Variants in SCAPER observed in about 807,000 individuals in gnomAD.
The protein encoded by SCAPER is S phase cyclin A-associated protein in the endoplasmic reticulum.
SCAPER carries 98 observed loss-of-function variants against 182.2 expected under a neutral mutation model. That is an observed-to-expected ratio of 0.54 (90% CI 0.46 to 0.64). The LOEUF is 0.64. SCAPER is among the 30% of genes least tolerant of loss of function. SCAPER has a pLI of 0.00. For synonymous variants in SCAPER, 605 were observed against 564.6 expected, an observed-to-expected ratio of 1.07 and a Z score of -1.01; for missense variants, 1,432 against 1,690.0, an observed-to-expected ratio of 0.85 and a Z score of 2.68.
intron 24 of SCAPER, among the ~76,000 whole-genome samples, chr15:76,501,345 TAAAAA>T (rs35025661): frequency 2.4e-5 from 3 of 126,980 alleles, no homozygotes; most frequent in Admixed American, 7.9e-5. Flanking sequence ...CAATTTCATG[TAAAAA>T]AAAAAAAAAA....
intron 24 of SCAPER, among the ~76,000 whole-genome samples, chr15:76,486,513 T>TA (rs35458506): frequency 0.022 from 3,306 of 149,756 alleles, 124 homozygotes; most frequent in African/African-American, 0.075. Flanking sequence ...CAATTTATAA[T>TA]AAAAAAAAAA....
At chr15:76,539,607 T>C (rs2044546048) in intron 23 of SCAPER, among the ~76,000 whole-genome samples, 1 of 147,562 alleles carries the variant, frequency 6.8e-6, no homozygotes, top group Admixed American at 7.0e-5. Context: ...TGCTGTGGCA[T>C]GATCTTGGCT....
chr15:76,490,940 G>T (rs777477492), intron 24 of SCAPER, among the ~76,000 whole-genome samples: 1 of 152,066 alleles, frequency 6.6e-6, no homozygotes, highest in Non-Finnish European at 1.5e-5. Context: ...AAGATCAGCT[G>T]ACTCCATCTG....
At chr15:76,476,390 T>C (rs571056467) in intron 24 of SCAPER, among the ~76,000 whole-genome samples, 1 of 152,166 alleles carries the variant, frequency 6.6e-6, no homozygotes, top group East Asian at 1.9e-4. Flanking sequence ...ACAACAATTT[T>C]CTTTTTCCTT....
Position 76,348,644 on chromosome 15 carries a change from C to CT in SCAPER, c.4191dup (p.Glu1398ArgfsTer17), listed in dbSNP as rs757014793. 4 of 1,542,470 alleles carry CT rather than the reference C, an allele frequency of 2.6e-6. No homozygotes were observed. The highest frequency in any genetic ancestry group is 3.4e-4 in the Middle Eastern group (2 of 5,964). On this transcript the variant is annotated frameshift_variant, in exon 32 of 32. Transcript: ENST00000563290. LOFTEE classifies it high-confidence loss of function. ...ATCAACCAAAACATTTATTTTTTCT[C>CT]TTTTTTCAAGAAAAACTGTCGAGCT...
chr15:76,864,603 G>C (rs1568367064), intron 2 of SCAPER, among the ~76,000 whole-genome samples: 1 of 151,972 alleles, frequency 6.6e-6, no homozygotes, highest in African/African-American at 2.4e-5. Context: ...AAATTAATGA[G>C]TAGCATCACT....
intron 5 of SCAPER, among the ~76,000 whole-genome samples, chr15:76,811,671 C>A (rs539320800): frequency 1.3e-5 from 2 of 152,018 alleles, no homozygotes; most frequent in Non-Finnish European, 2.9e-5. Flanking sequence ...GCCTGTAATC[C>A]CAGCTACTCA....
intron 17 of SCAPER, among the ~76,000 whole-genome samples, chr15:76,710,033 C>A (rs901180696): frequency 3.3e-5 from 5 of 152,106 alleles, no homozygotes; most frequent in Non-Finnish European, 7.4e-5. Flanking sequence ...GAGACTTTAT[C>A]AAAAATCTAC....
intron 24 of SCAPER, among the ~76,000 whole-genome samples, chr15:76,477,917 C>T (rs2050785671): frequency 6.6e-6 from 1 of 151,386 alleles, no homozygotes; most frequent in Admixed American, 6.6e-5. Context: ...AATAACTTTT[C>T]CAGTTTATTG....
intron 23 of SCAPER, among the ~76,000 whole-genome samples, chr15:76,529,205 G>A (rs1015034611): frequency 3.9e-5 from 6 of 152,022 alleles, no homozygotes; most frequent in South Asian, 4.2e-4. Flanking sequence ...CCTCACACCT[G>A]GCTAATTTTT....
At chr15:76,887,150 A>C (rs1211164110) in intron 1 of SCAPER, among the ~76,000 whole-genome samples, 1 of 152,162 alleles carries the variant, frequency 6.6e-6, no homozygotes, top group East Asian at 1.9e-4. Context: ...CCTGAACTTA[A>C]AATAAAAGTT....
intron 2 of SCAPER, 29 bp from the exon 3 acceptor site, chr15:76,862,562 GATTATTA>G: frequency 7.7e-7 from 1 of 1,299,418 alleles, no homozygotes; most frequent in Non-Finnish European, 1.1e-6. Context: ...GTACTTATTA[GATTATTA>G]GATAAGTCAA....
intron 26 of SCAPER, among the ~76,000 whole-genome samples, chr15:76,413,598 CTTCCTT>C (rs1408658755): frequency 6.6e-6 from 1 of 152,192 alleles, no homozygotes; most frequent in Non-Finnish European, 1.5e-5. Flanking sequence ...GTGATGATGT[CTTCCTT>C]TAGAGCAAAG....
At chr15:76,676,903 ATAT>A (rs2057400983) in intron 20 of SCAPER, among the ~76,000 whole-genome samples, 1 of 151,006 alleles carries the variant, frequency 6.6e-6, no homozygotes, top group Non-Finnish European at 1.5e-5. Context: ...TTTATTATAA[ATAT>A]TATAAATAAT....
At chr15:76,679,354 G>C (rs2057554825) in intron 20 of SCAPER, among the ~76,000 whole-genome samples, 1 of 152,048 alleles carries the variant, frequency 6.6e-6, no homozygotes, top group Non-Finnish European at 1.5e-5. Context: ...TTATATTTAA[G>C]TTTAAAATTC....
At chr15:76,528,129 T>C (rs567176485) in intron 23 of SCAPER, among the ~76,000 whole-genome samples, 1 of 152,200 alleles carries the variant, frequency 6.6e-6, no homozygotes, top group Non-Finnish European at 1.5e-5. Context: ...TAAAATGTAA[T>C]CATTAATAAA....
intron 21 of SCAPER, among the ~76,000 whole-genome samples, chr15:76,625,247 G>A (rs1354606252): frequency 6.6e-6 from 1 of 152,136 alleles, no homozygotes; most frequent in African/African-American, 2.4e-5. Flanking sequence ...AAGGCAGAAT[G>A]CTTGGGTGGG....
chr15:76,812,746 AAGAAAC>A (rs2066732859), intron 5 of SCAPER, among the ~76,000 whole-genome samples: 1 of 152,148 alleles, frequency 6.6e-6, no homozygotes. Context: ...CTGAATTAAG[AAGAAAC>A]AGAAAGCCTA....
At chr15:76,582,174 C>A (rs2048319599) in intron 22 of SCAPER, among the ~76,000 whole-genome samples, 1 of 152,172 alleles carries the variant, frequency 6.6e-6, no homozygotes, top group Admixed American at 6.5e-5. Context: ...AATTATCCTT[C>A]TTTGCAGATG....
Sources: gnomAD v4.1 joint callset for allele counts (sites outside exome capture counted in the v4.1 genomes callset) on GRCh38, gnomAD v4.1.1 for gene constraint, MANE v1.5 for transcripts, NCBI Gene and HGNC (gene_info 2026-07-23, HGNC 2026-07-21) for gene names.